GK3: variants seen among roughly 807,000 people sequenced by gnomAD.
The protein encoded by GK3 is glycerol kinase 3, also known as glycerol kinase 3 pseudogene.
chr4:165,279,478 G>A, the GK3 span: 1 of 1,592,370 alleles, frequency 6.3e-7, no homozygotes, highest in Non-Finnish European at 8.6e-7. Context: ...TTTCCTTAGG[G>A]TCCTGTTCCA....
chr4:165,278,422 C>G, the GK3 span: 1 of 1,457,582 alleles, frequency 6.9e-7, no homozygotes. Context: ...TCATGGCATC[C>G]AAAATCTCTC....
the GK3 span, chr4:165,278,765 A>G: frequency 1.9e-6 from 3 of 1,571,278 alleles, no homozygotes; most frequent in East Asian, 2.2e-5. Flanking sequence ...ATCAGAAAAT[A>G]CACACTTATG....
At chr4:165,278,186 A>T in the GK3 span, 1 of 1,309,598 alleles carries the variant, frequency 7.6e-7, no homozygotes, top group Non-Finnish European at 1.1e-6. Flanking sequence ...CTGAGGTTCA[A>T]ACCGCTCCAT....
the GK3 span, chr4:165,278,535 A>C: frequency 6.2e-7 from 1 of 1,609,896 alleles, no homozygotes; most frequent in Non-Finnish European, 8.5e-7. Context: ...GGCTCCCAAT[A>C]AGGTGCATAT....
At chr4:165,279,631 C>G in the GK3 span, 32 of 1,611,424 alleles carry the variant, frequency 2.0e-5, no homozygotes, top group Non-Finnish European at 2.5e-5. Context: ...AAACTGCCTT[C>G]TTTGAGGCTG....
the GK3 span, chr4:165,278,913 C>G: frequency 7.1e-7 from 1 of 1,410,966 alleles, no homozygotes; most frequent in African/African-American, 1.4e-5. Flanking sequence ...AAGGCCCCCG[C>G]TTTCATTAGG....
chr4:165,279,511 T>C, the GK3 span: 1 of 1,567,570 alleles, frequency 6.4e-7, no homozygotes, highest in Non-Finnish European at 8.8e-7. Context: ...TTGGGAACTC[T>C]TGTTTTATTT....
chr4:165,279,238 A>G, the GK3 span: 7 of 1,538,282 alleles, frequency 4.6e-6, no homozygotes, highest in South Asian at 3.4e-5. Context: ...TGGACTTGAC[A>G]AAGTTATTAT....
At chr4:165,278,269 A>T in the GK3 span, 1 of 1,075,492 alleles carries the variant, frequency 9.3e-7, no homozygotes, top group Non-Finnish European at 1.5e-6. Flanking sequence ...CCGCCATGGC[A>T]GCACCCAGTG....
At chr4:165,279,186 G>A in the GK3 span, 1 of 1,576,848 alleles carries the variant, frequency 6.3e-7, no homozygotes, top group Non-Finnish European at 8.7e-7. Context: ...AGCCAGCGAA[G>A]TTTCACTGCA....
At chr4:165,278,177 T>G in the GK3 span, 1 of 1,361,226 alleles carries the variant, frequency 7.3e-7, no homozygotes, top group Non-Finnish European at 1.1e-6. Flanking sequence ...AGCATTAATC[T>G]GAGGTTCAAA....
the GK3 span, chr4:165,279,213 G>A: frequency 6.5e-7 from 1 of 1,539,734 alleles, no homozygotes; most frequent in South Asian, 1.1e-5. Flanking sequence ...TAAGTGCTAA[G>A]TGGAAGGCCT....
At chr4:165,279,551 G>C in the GK3 span, 2 of 1,572,912 alleles carry the variant, frequency 1.3e-6, no homozygotes, top group Middle Eastern at 1.7e-4. Flanking sequence ...TAGTTCAGCT[G>C]TTCTTGAATT....
At chr4:165,278,565 C>T in the GK3 span, 11 of 1,610,994 alleles carry the variant, frequency 6.8e-6, no homozygotes, top group Middle Eastern at 3.4e-4. Flanking sequence ...AATGCTGGGA[C>T]GAAGTAGCAG....
the GK3 span, chr4:165,278,678 G>C: frequency 2.5e-6 from 4 of 1,600,830 alleles, no homozygotes; most frequent in Non-Finnish European, 3.4e-6. Flanking sequence ...ACCAGCTATA[G>C]CTACAGAACC....
chr4:165,277,953 C>T, the GK3 span: 16 of 1,001,454 alleles, frequency 1.6e-5, no homozygotes, highest in Admixed American at 6.7e-5. Context: ...GTAAAAAGCT[C>T]GCATCTTGGG....
chr4:165,278,368 T>G, the GK3 span: 1 of 1,296,142 alleles, frequency 7.7e-7, no homozygotes, highest in Non-Finnish European at 1.1e-6. Context: ...TGGTCATTCC[T>G]CCATCAACCT....
At chr4:165,278,206 G>A in the GK3 span, 33 of 1,234,474 alleles carry the variant, frequency 2.7e-5, 1 homozygote, top group Middle Eastern at 3.7e-4. Flanking sequence ...TCGTGACGGC[G>A]GACAAATCCT....
chr4:165,278,775 G>A, the GK3 span: 5 of 1,549,808 alleles, frequency 3.2e-6, no homozygotes, highest in East Asian at 4.5e-5. Flanking sequence ...ACACACTTAT[G>A]GCCTGTATTA....
Sources: gnomAD v4.1 joint callset for allele counts on GRCh38, gnomAD v4.1.1 for gene constraint, MANE v1.5 for transcripts, NCBI Gene and HGNC (gene_info 2026-07-23, HGNC 2026-07-21) for gene names.